NIPA2: variants seen among roughly 807,000 people sequenced by gnomAD.
NIPA2 encodes magnesium transporter NIPA2.
NIPA2 carries 11 observed loss-of-function variants against 29.7 expected under a neutral mutation model. The observed-to-expected ratio is 0.37, with a 90% CI of 0.23 to 0.61. The LOEUF (loss-of-function observed/expected upper bound fraction) is 0.61, where lower values mean the gene tolerates loss of function less well. Ranked by LOEUF, NIPA2 falls within the 20% of genes least tolerant of loss-of-function variation. The probability of loss-of-function intolerance (pLI) is 0.66; values close to 1 mark genes in which losing one functional copy is unlikely to be tolerated. For missense variants in NIPA2, 426 were observed against 437.9 expected (o/e 0.97, Z 0.24); for synonymous variants, 183 against 161.9 (o/e 1.13, Z -0.99).
intron 4 of NIPA2, among the ~76,000 whole-genome samples, chr15:22,852,460 C>T (rs1383306721): frequency 2.0e-5 from 2 of 100,236 alleles, no homozygotes; most frequent in Admixed American, 1.2e-4. Flanking sequence ...CAGAGTGAGA[C>T]TCCGTCTAAA....
At chr15:22,844,117 G>T (rs974546968) in intron 2 of NIPA2, among the ~76,000 whole-genome samples, 1 of 152,160 alleles carries the variant, frequency 6.6e-6, no homozygotes, top group African/African-American at 2.4e-5. Context: ...ATTTTTGCCT[G>T]TTTCTTAAAT....
chr15:22,846,840 A>AATTATAATT (rs1898843656), intron 3 of NIPA2, among the ~76,000 whole-genome samples: 1 of 134,996 alleles, frequency 7.4e-6, no homozygotes, highest in African/African-American at 2.8e-5. Context: ...TAATAATAAT[A>AATTATAATT]ATTATTATTA....
chr15:22,854,590 G>A (rs1251992881), intron 5 of NIPA2, among the ~76,000 whole-genome samples: 1 of 151,470 alleles, frequency 6.6e-6, no homozygotes. Context: ...ACTAAAAATA[G>A]CAAAAATTAG....
rs149900343 is a variant in NIPA2 at position 22,866,916 on chromosome 15, G to GA, written c.*75dup. The stretch of plus-strand genomic sequence containing the variant: ...ATTTGAATATCATCAGAATGTGTCT[G>GA]AAAAAACATTGTCCTCAAATAATGT... On this transcript the variant is annotated 3_prime_UTR_variant, in exon 8 of 8. Coordinates refer to ENST00000337451, the MANE Select transcript of NIPA2 (RefSeq NM_030922.7). The GA allele has an allele frequency of 7.5e-3, 10,267 of 1,373,102 alleles. 552 individuals carry two copies. The African/African-American group carries it at 0.12, about 16-fold the overall frequency. 85.1% of individuals were successfully genotyped at this position (1,373,102 alleles called of 1,614,324 possible). A position where few individuals can be genotyped will look rare whatever the true frequency, so the allele number is the denominator to read the frequency against.
intron 7 of NIPA2, among the ~76,000 whole-genome samples, 176 bp downstream of exon 7, chr15:22,860,965 T>C (rs1433451876): frequency 2.6e-5 from 4 of 152,224 alleles, no homozygotes; most frequent in Non-Finnish European, 4.4e-5. Context: ...CTACTGTTCT[T>C]TAACTCTGTG....
chr15:22,843,133 C>T (rs923382186), intron 2 of NIPA2, among the ~76,000 whole-genome samples: 1 of 152,060 alleles, frequency 6.6e-6, no homozygotes, highest in Non-Finnish European at 1.5e-5. Flanking sequence ...CAGCAGAAGG[C>T]TGAGATTGGC....
At chr15:22,858,221 G>A (rs1390415825) in intron 5 of NIPA2, among the ~76,000 whole-genome samples, 5 of 151,988 alleles carry the variant, frequency 3.3e-5, no homozygotes, top group African/African-American at 4.8e-5. Context: ...GTGAAACTCC[G>A]TCTCTACTAA....
rs553536316 is a variant in NIPA2, at chr15:22,863,600, G to A, written c.449-2613G>A. On this transcript the variant is annotated intron_variant, in intron 7 of 7. Transcript: ENST00000337451. Reference sequence around the variant, plus strand: ...TGCAGCTTGTGTGCCAAGAAACACCGTAAGGGGAAATGCACACAGAAATTT... The same window carrying A: ...TGCAGCTTGTGTGCCAAGAAACACCATAAGGGGAAATGCACACAGAAATTT... Among the ~76,000 whole-genome samples, 131 of 152,312 alleles carry A rather than the reference G, an allele frequency of 8.6e-4. 1 individual carries two copies. Among genetic ancestry groups the A allele is most frequent in the Admixed American group, 7.7e-3 (118 of 15,294 alleles).
chr15:22,863,081 CTTTG>C (rs2058732753), intron 7 of NIPA2, among the ~76,000 whole-genome samples: 1 of 134,194 alleles, frequency 7.5e-6, no homozygotes. Flanking sequence ...TTTGTATTTT[CTTTG>C]TTTTTTTTTT....
intron 5 of NIPA2, among the ~76,000 whole-genome samples, chr15:22,856,537 G>A (rs1011646893): frequency 6.6e-5 from 10 of 151,802 alleles, no homozygotes; most frequent in South Asian, 2.1e-4. Flanking sequence ...GACATTTTGG[G>A]AATTAAAGAA....
At chr15:22,842,049 T>C (rs1897234704) in intron 2 of NIPA2, among the ~76,000 whole-genome samples, 1 of 152,198 alleles carries the variant, frequency 6.6e-6, no homozygotes, top group South Asian at 2.1e-4. Flanking sequence ...TTCACATGTT[T>C]TATTTTTTAC....
intron 3 of NIPA2, among the ~76,000 whole-genome samples, chr15:22,846,786 A>T (rs182100820): frequency 6.0e-5 from 9 of 150,558 alleles, no homozygotes; most frequent in African/African-American, 2.2e-4. Context: ...ACTGCACTCC[A>T]GCCTGGGTGA....
Position 22,862,049 on chromosome 15 carries a change from C to CTCTTT in NIPA2, c.448+1261_448+1262insCTTTT, listed in dbSNP as rs1555387456. ...ACCATGCCTCGCCTGATGGGTCTCT[C>CTCTTT]TTTTTTTTTTTTTTTGAGACAGAGT... is the stretch of plus-strand genomic sequence containing the variant. On this transcript the variant is annotated intron_variant, in intron 7 of 7. Coordinates refer to ENST00000337451, the MANE Select transcript of NIPA2 (RefSeq NM_030922.7). 2.3e-4 allele frequency among the ~76,000 whole-genome samples: 24 copies of CTCTTT among 103,978 alleles called. 3 individuals are homozygous for CTCTTT. Among genetic ancestry groups the CTCTTT allele is most frequent in the African/African-American group, 3.4e-4 (9 of 26,642 alleles). The allele number at this position is 103,978 out of a possible 152,430, so 68.2% of individuals were successfully genotyped here.
intron 7 of NIPA2, 140 bp downstream of exon 7, chr15:22,860,929 C>T (rs890049038): frequency 1.3e-5 from 8 of 604,310 alleles, no homozygotes; most frequent in Non-Finnish European, 2.0e-5. Context: ...TCCCTGCTCC[C>T]TCCTATCAAT....
In NIPA2 at chr15:22,866,895, G is replaced by A. The variant is rs1433428733; in HGVS notation, c.*48G>A. ...TCTGTGATTGTTATGAAGTGAATTT[G>A]AATATCATCAGAATGTGTCTGAAAA... On this transcript the variant is annotated 3_prime_UTR_variant, in exon 8 of 8. Coordinates refer to ENST00000337451, the MANE Select transcript of NIPA2 (RefSeq NM_030922.7). The A allele has an allele frequency of 1.4e-6, 2 of 1,471,544 alleles. No homozygotes were observed. The highest frequency in any genetic ancestry group is 1.8e-6 in the Non-Finnish European group (2 of 1,092,802). The allele number at this position is 1,471,544 out of a possible 1,614,324, so 91.2% of individuals were successfully genotyped here. A position where few individuals can be genotyped will look rare whatever the true frequency, so the allele number is the denominator to read the frequency against.
chr15:22,852,706 A>G (rs1296277203), intron 4 of NIPA2, among the ~76,000 whole-genome samples: 1 of 151,790 alleles, frequency 6.6e-6, no homozygotes, highest in Admixed American at 6.6e-5. Flanking sequence ...CCCTGCCCTG[A>G]CTCCTCTATC....
Position 22,867,398 on chromosome 15 carries a change from A to G in NIPA2, c.*551A>G. 1 of 385,586 alleles carries G rather than the reference A, an allele frequency of 2.6e-6. No homozygotes were observed. The highest frequency in any genetic ancestry group is 4.6e-6 in the Non-Finnish European group (1 of 218,850). 23.9% of individuals were successfully genotyped at this position (385,586 alleles called of 1,614,324 possible). On this transcript the variant is annotated 3_prime_UTR_variant, in exon 8 of 8. Transcript: ENST00000337451. ...ACCTCTTTCTTACAAAACAAAAAAA[A>G]GGGCAGAAATCACCCCAAGGAACGA...
rs549459181 is a variant in NIPA2 at position 22,856,432 on chromosome 15, G to A, written c.197-2108G>A. ...TTGAGAAGTCAGTCATACATAAATG[G>A]AAATTAGATAGTAGAGAGTATCCTG... On this transcript the variant is annotated intron_variant, in intron 5 of 7. Transcript: ENST00000337451. Among the ~76,000 whole-genome samples the A allele has an allele frequency of 9.9e-5, 15 of 151,720 alleles. No homozygotes were observed. The South Asian group carries it at 3.1e-3, about 32-fold the overall frequency.
rs2058382113 is a variant in NIPA2 at position 22,858,638 on chromosome 15, C to T, written c.287+8C>T. The T allele has an allele frequency of 1.3e-6, 2 of 1,539,334 alleles. No individual in the cohort carries two copies. The highest frequency in any genetic ancestry group is 1.8e-6 in the Non-Finnish European group (2 of 1,130,880). On this transcript the variant is annotated splice_region_variant and intron_variant, in intron 6 of 7. Transcript: ENST00000337451. ...TCTCAGCGTGCTAGTAAGGTAAGGA[C>T]ACGTTTTTCATGTAGAAACAGTAGT...
Sources: gnomAD v4.1 joint callset for allele counts (sites outside exome capture counted in the v4.1 genomes callset) on GRCh38, gnomAD v4.1.1 for gene constraint, MANE v1.5 for transcripts, NCBI Gene and HGNC (gene_info 2026-07-23, HGNC 2026-07-21) for gene names.